KCNJ2: variants seen among roughly 807,000 people sequenced by gnomAD.
KCNJ2 encodes inward rectifier potassium channel 2.
In KCNJ2, 12 loss-of-function variants were observed where a neutral mutation model predicts 28.4. The observed-to-expected ratio is 0.42, with a 90% confidence interval of 0.27 to 0.68. The LOEUF is 0.68. Among genes scored for constraint, KCNJ2 ranks in the 30% least tolerant of loss-of-function variants. The probability of loss-of-function intolerance (pLI) is 0.23; values close to 1 mark genes in which losing one functional copy is unlikely to be tolerated. For synonymous variants in KCNJ2, 200 were observed against 203.2 expected, an observed-to-expected ratio of 0.98 and a Z score of 0.13; for missense variants, 320 against 551.3, an observed-to-expected ratio of 0.58 and a Z score of 4.20.
At chr17:70,174,707 T>C in intron 1 of KCNJ2, 117 bp from the exon 2 acceptor site, 1 of 327,748 alleles carries the variant, frequency 3.1e-6, no homozygotes, top group South Asian at 3.4e-5. Flanking sequence ...TATAATTTAA[T>C]GTAAATTATA....
chr17:70,174,763 A>T lies in KCNJ2; in HGVS notation c.-216-61A>T, dbSNP rs2074382132. 9.8e-6 allele frequency: 5 copies of T among 512,302 alleles called. No homozygotes were observed. The South Asian group carries it at 1.0e-4, about 11-fold the overall frequency. The allele number at this position is 512,302 out of a possible 1,614,324, so 31.7% of individuals were successfully genotyped here. A position where few individuals can be genotyped will look rare whatever the true frequency, so the allele number is the denominator to read the frequency against. ...TGTTTTTGTTAGGATATATTGTCTT[A>T]GACAGTAGAATTCTTTAAGAGTGGC... On this transcript the variant is annotated intron_variant, in intron 1 of 1. Transcript: ENST00000243457.
Position 70,176,138 on chromosome 17 carries a change from A to G in KCNJ2, c.1099A>G (p.Ile367Val). The G allele has an allele frequency of 6.2e-7, 1 of 1,613,972 alleles. No homozygotes were observed. The highest frequency in any genetic ancestry group is 1.1e-5 in the South Asian group (1 of 91,082). ...CAGAGACTTAGCAGAAAAGAAATAT[A>G]TCCTCTCAAATGCAAATTCATTTTG... The part of the protein sequence containing the change: ...SARDLAEKKY[I>V]LSNANSFCYE... Residue 367 changes from isoleucine (I) to valine (V), a missense_variant, in exon 2 of 2, where the codon ATC becomes GTC. Around this residue, in one of 3 missense-constraint regions of KCNJ2, gnomAD observed 155 missense variants for 231.6 expected, o/e 0.67. Coordinates refer to ENST00000243457, the MANE Select transcript of KCNJ2 (RefSeq NM_000891.3).
intron 1 of KCNJ2, among the ~76,000 whole-genome samples, chr17:70,172,312 C>CA (rs60636682): frequency 0.15 from 12,362 of 84,302 alleles, 591 homozygotes; most frequent in East Asian, 0.2. Context: ...TTCTTTTTGC[C>CA]AAAAAAAAAA....
At position 70,178,233 on chromosome 17, in the gene KCNJ2, C is replaced by T. The variant is rs753735960; in HGVS notation, c.*1910C>T. The T allele has an allele frequency of 6.0e-6, 1 of 166,812 alleles. No homozygotes were observed. Among genetic ancestry groups the T allele is most frequent in the Non-Finnish European group, 1.5e-5 (1 of 68,084 alleles). 10.3% of individuals were successfully genotyped at this position (166,812 alleles called of 1,614,324 possible). Reference sequence around the variant, plus strand: ...TTCTTGAACAGCCATATCTGAATGCCGTGCCTGCAAAACTATGACAATTTT... The same window carrying T: ...TTCTTGAACAGCCATATCTGAATGCTGTGCCTGCAAAACTATGACAATTTT... On this transcript the variant is annotated 3_prime_UTR_variant, in exon 2 of 2. Coordinates refer to ENST00000243457, the MANE Select transcript of KCNJ2 (RefSeq NM_000891.3).
chr17:70,175,630 C>T lies in KCNJ2; in HGVS notation c.591C>T (p.His197=), dbSNP rs2074388075. Residue 197 remains histidine (H), a synonymous_variant, in exon 2 of 2, where the codon CAC becomes CAT. Transcript: ENST00000243457. The surrounding 1 kb of genome is among the most constrained non-coding windows in gnomAD (Gnocchi z 8.3). ...GAAACGAGACTCTTGTCTTCAGTCA[C>T]AATGCCGTGATTGCCATGAGAGACG... ...KKRNETLVFS[H]NAVIAMRDGK... 6.2e-7 allele frequency: 1 copy of T among 1,614,216 alleles called. No individual in the cohort carries two copies. The highest frequency in any genetic ancestry group is 8.5e-7 in the Non-Finnish European group (1 of 1,180,042).
rs776259535 is a variant in KCNJ2 at position 70,175,026 on chromosome 17, C to A, written c.-14C>A. The A allele has an allele frequency of 1.2e-6, 2 of 1,613,478 alleles. No individual in the cohort carries two copies. The highest frequency in any genetic ancestry group is 1.7e-6 in the Non-Finnish European group (2 of 1,179,518). On this transcript the variant is annotated 5_prime_UTR_variant, in exon 2 of 2. Coordinates refer to ENST00000243457, the MANE Select transcript of KCNJ2 (RefSeq NM_000891.3). This position sits in a 1 kb window ranked among gnomAD's most constrained non-coding sequence, Gnocchi z 8.3. ...TTTTCCAAAGCAGAAGCACTGGAGT[C>A]CCCAGCAGAAGCGATGGGCAGTGTG...
chr17:70,174,143 T>G (rs1399699658), intron 1 of KCNJ2, among the ~76,000 whole-genome samples: 1 of 152,204 alleles, frequency 6.6e-6, no homozygotes, highest in African/African-American at 2.4e-5. Flanking sequence ...GTAGGAGGTT[T>G]TGTCCACTAG....
At position 70,178,654 on chromosome 17, in the gene KCNJ2, G is replaced by C. The variant is rs2074409331; in HGVS notation, c.*2331G>C. 1 of 142,362 alleles carries C rather than the reference G, an allele frequency of 7.0e-6. No individual in the cohort carries two copies. The highest frequency in any genetic ancestry group is 2.9e-5 in the African/African-American group (1 of 34,580). 8.8% of individuals were successfully genotyped at this position (142,362 alleles called of 1,614,324 possible). A position where few individuals can be genotyped will look rare whatever the true frequency, so the allele number is the denominator to read the frequency against. ...ACTTGAGAAATTTGAAAGGGGGTGG[G>C]TATGGGGGGGGCAAGAAAGAGGGAG... On this transcript the variant is annotated 3_prime_UTR_variant, in exon 2 of 2. Transcript: ENST00000243457.
chr17:70,171,807 G>T (rs1267340138), intron 1 of KCNJ2, among the ~76,000 whole-genome samples: 2 of 152,082 alleles, frequency 1.3e-5, no homozygotes, highest in African/African-American at 4.8e-5. Flanking sequence ...TTATGGCCTG[G>T]ATAAAAATGA....
At position 70,176,360 on chromosome 17, in the gene KCNJ2, C is replaced by A. The variant is rs767742256; in HGVS notation, c.*37C>A. 6.3e-7 allele frequency: 1 copy of A among 1,590,890 alleles called. No homozygotes were observed. Among genetic ancestry groups the A allele is most frequent in the Admixed American group, 1.7e-5 (1 of 59,998 alleles). On this transcript the variant is annotated 3_prime_UTR_variant, in exon 2 of 2. Coordinates refer to ENST00000243457, the MANE Select transcript of KCNJ2 (RefSeq NM_000891.3). ...CTTCTCTGGAATAGTTACTTTACAACACGGTCTGTTGGTCAGAGGCCCAAA... is the reference window on the plus strand; with the variant it reads ...CTTCTCTGGAATAGTTACTTTACAAAACGGTCTGTTGGTCAGAGGCCCAAA...
chr17:70,179,321 A>G lies in KCNJ2; in HGVS notation c.*2998A>G, dbSNP rs548007447. 13 of 166,788 alleles carry G rather than the reference A, an allele frequency of 7.8e-5. No individual in the cohort carries two copies. The East Asian group carries it at 2.3e-3, about 30-fold the overall frequency. 10.3% of individuals were successfully genotyped at this position (166,788 alleles called of 1,614,324 possible). On this transcript the variant is annotated 3_prime_UTR_variant, in exon 2 of 2. Coordinates refer to ENST00000243457, the MANE Select transcript of KCNJ2 (RefSeq NM_000891.3). ...ATTTACTTCGGATTTATTCCCTTTT[A>G]AAGAATTTTTGCCCATATCTGGAAG...
chr17:70,176,612 G>C lies in KCNJ2; in HGVS notation c.*289G>C. The stretch of plus-strand genomic sequence containing the variant: ...AAACTTGAACTTGCAGGCAAGCCTT[G>C]GTTGGGTATTTGATTTATCCAGAAT... On this transcript the variant is annotated 3_prime_UTR_variant, in exon 2 of 2. Transcript: ENST00000243457. 1 of 477,510 alleles carries C rather than the reference G, an allele frequency of 2.1e-6. No individual in the cohort carries two copies. Among genetic ancestry groups the C allele is most frequent in the South Asian group, 2.2e-5 (1 of 45,758 alleles). The allele number at this position is 477,510 out of a possible 1,614,324, so 29.6% of individuals were successfully genotyped here. A position where few individuals can be genotyped will look rare whatever the true frequency, so the allele number is the denominator to read the frequency against.
In KCNJ2 at chr17:70,177,236, G is replaced by A. The variant is rs1465311789; in HGVS notation, c.*913G>A. 6.0e-6 allele frequency: 1 copy of A among 166,848 alleles called. No homozygotes were observed. The highest frequency in any genetic ancestry group is 6.5e-5 in the Admixed American group (1 of 15,270). The allele number at this position is 166,848 out of a possible 1,614,324, so 10.3% of individuals were successfully genotyped here. A position where few individuals can be genotyped will look rare whatever the true frequency, so the allele number is the denominator to read the frequency against. ...TCAGTGTAGTGCTTTTAAAAATTTT[G>A]TCCTTTCATGTAACTTTTTTATTTT... On this transcript the variant is annotated 3_prime_UTR_variant, in exon 2 of 2. Transcript: ENST00000243457.
rs758092571 is a variant in KCNJ2, at chr17:70,175,884, T to G, written c.845T>G (p.Leu282Trp). 1.7e-5 allele frequency: 28 copies of G among 1,614,044 alleles called. No homozygotes were observed. Among genetic ancestry groups the G allele is most frequent in the Middle Eastern group, 1.6e-4 (1 of 6,084 alleles). Residue 282 changes from leucine (L) to tryptophan (W), a missense_variant, in exon 2 of 2, where the codon TTG becomes TGG. Leu to Trp is a moderately conservative substitution (Grantham distance 61). Around this residue, in one of 3 missense-constraint regions of KCNJ2, gnomAD observed 155 missense variants for 231.6 expected, o/e 0.67. Transcript: ENST00000243457. The surrounding 1 kb of genome is among the most constrained non-coding windows in gnomAD (Gnocchi z 8.3). ...EIDEDSPLYD[L>W]SKQDIDNADF... is the part of the protein sequence containing the mutation. Reference sequence around the variant, plus strand: ...GATGAAGACAGTCCTTTATATGATTTGAGTAAACAGGACATTGACAACGCA... The same window carrying G: ...GATGAAGACAGTCCTTTATATGATTGGAGTAAACAGGACATTGACAACGCA...
Position 70,174,949 on chromosome 17 carries a change from C to A in KCNJ2, c.-91C>A. On this transcript the variant is annotated 5_prime_UTR_variant, in exon 2 of 2. Coordinates refer to ENST00000243457, the MANE Select transcript of KCNJ2 (RefSeq NM_000891.3). ...CTCATTTTTTTGGTGTGTGTGTCTTCACCGAACATTCAAAACTGTTTCTCC... is the reference window on the plus strand; with the variant it reads ...CTCATTTTTTTGGTGTGTGTGTCTTAACCGAACATTCAAAACTGTTTCTCC... The A allele has an allele frequency of 7.8e-7, 1 of 1,276,884 alleles. No homozygotes were observed. Among genetic ancestry groups the A allele is most frequent in the Non-Finnish European group, 1.1e-6 (1 of 896,278 alleles). 79.1% of individuals were successfully genotyped at this position (1,276,884 alleles called of 1,614,324 possible). A position where few individuals can be genotyped will look rare whatever the true frequency, so the allele number is the denominator to read the frequency against.
Position 70,176,574 on chromosome 17 carries a change from T to C in KCNJ2, c.*251T>C. The C allele has an allele frequency of 1.5e-5, 8 of 549,730 alleles. No homozygotes were observed. Among genetic ancestry groups the C allele is most frequent in the South Asian group, 1.3e-4 (6 of 47,156 alleles). 34.1% of individuals were successfully genotyped at this position (549,730 alleles called of 1,614,324 possible). ...AAGTTATGGGTTTTTATGTTTTGTT[T>C]TGTGTTTTTCCAAAACTTGAACTTG... On this transcript the variant is annotated 3_prime_UTR_variant, in exon 2 of 2. Coordinates refer to ENST00000243457, the MANE Select transcript of KCNJ2 (RefSeq NM_000891.3).
rs1331045165 is a variant in KCNJ2, at chr17:70,179,013, A to T, written c.*2690A>T. 1 of 163,032 alleles carries T rather than the reference A, an allele frequency of 6.1e-6. No homozygotes were observed. Among genetic ancestry groups the T allele is most frequent in the Non-Finnish European group, 1.5e-5 (1 of 67,446 alleles). 10.1% of individuals were successfully genotyped at this position (163,032 alleles called of 1,614,324 possible). A position where few individuals can be genotyped will look rare whatever the true frequency, so the allele number is the denominator to read the frequency against. On this transcript the variant is annotated 3_prime_UTR_variant, in exon 2 of 2. Transcript: ENST00000243457. ...TATTTCAGCATGGACTGTTCATTTG[A>T]AACCTTTTTCTAGTTATTAGCGTTT...
intron 1 of KCNJ2, among the ~76,000 whole-genome samples, chr17:70,172,312 CAAAAAAAAA>C (rs60636682): frequency 0.025 from 2,177 of 86,014 alleles, 34 homozygotes; most frequent in Middle Eastern, 0.05. Flanking sequence ...TTCTTTTTGC[CAAAAAAAAA>C]AAAAAAAAAA....
Position 70,174,958 on chromosome 17 carries a change from T to C in KCNJ2, c.-82T>C. On this transcript the variant is annotated 5_prime_UTR_variant, in exon 2 of 2. Transcript: ENST00000243457. ...TTGGTGTGTGTGTCTTCACCGAACA[T>C]TCAAAACTGTTTCTCCAAAGCGTTT... The C allele has an allele frequency of 1.4e-6, 2 of 1,386,550 alleles. No individual in the cohort carries two copies. Among genetic ancestry groups the C allele is most frequent in the East Asian group, 2.4e-5 (1 of 41,442 alleles). The allele number at this position is 1,386,550 out of a possible 1,614,324, so 85.9% of individuals were successfully genotyped here. A position where few individuals can be genotyped will look rare whatever the true frequency, so the allele number is the denominator to read the frequency against.
Sources: gnomAD v4.1 joint callset for allele counts (sites outside exome capture counted in the v4.1 genomes callset) on GRCh38, gnomAD v4.1.1 for gene constraint, gnomAD v4.1.1 regional missense constraint, Gnocchi (gnomAD v3.1) non-coding constraint, MANE v1.5 for transcripts, NCBI Gene and HGNC (gene_info 2026-07-23, HGNC 2026-07-21) for gene names.